The following LRMDA variants were observed in gnomAD, a reference collection of about 807,000 sequenced individuals.
The protein encoded by LRMDA is leucine rich melanocyte differentiation associated.
LRMDA carries 18 observed loss-of-function variants against 29.8 expected under a neutral mutation model. The observed-to-expected ratio is 0.60, with a 90% CI of 0.42 to 0.90. The LOEUF (loss-of-function observed/expected upper bound fraction) is 0.90, where lower values mean the gene tolerates loss of function less well. Ranked by LOEUF, LRMDA falls within the 40% of genes least tolerant of loss-of-function variation. The pLI is 0.00. For synonymous variants in LRMDA, 125 were observed against 109.4 expected (o/e 1.14, Z -0.89); for missense variants, 273 against 273.9 (o/e 1.00, Z 0.02).
intron 2 of LRMDA, among the ~76,000 whole-genome samples, chr10:75,558,155 A>G (rs1165677560): frequency 7.6e-6 from 1 of 132,404 alleles, no homozygotes; most frequent in African/African-American, 2.8e-5. Context: ...CAGTGGTATG[A>G]TTTTTTTTTT....
chr10:76,528,894 T>C (rs567907221), intron 6 of LRMDA, among the ~76,000 whole-genome samples: 3 of 152,234 alleles, frequency 2.0e-5, no homozygotes, highest in Non-Finnish European at 2.9e-5. Context: ...AAGTTCCAAG[T>C]AGCAGGAAGG....
At chr10:76,070,945 C>T (rs1589313730) in intron 5 of LRMDA, among the ~76,000 whole-genome samples, 1 of 152,214 alleles carries the variant, frequency 6.6e-6, no homozygotes, top group East Asian at 1.9e-4. Flanking sequence ...AGGCTCCTTG[C>T]CACTGATGGA....
At chr10:76,198,860 G>A (rs1285424635) in intron 5 of LRMDA, among the ~76,000 whole-genome samples, 1 of 152,172 alleles carries the variant, frequency 6.6e-6, no homozygotes, top group African/African-American at 2.4e-5. Context: ...CGAGGATGAT[G>A]TAGCTTAATA....
At chr10:76,518,472 T>A (rs948221602) in intron 6 of LRMDA, among the ~76,000 whole-genome samples, 6 of 152,146 alleles carry the variant, frequency 3.9e-5, no homozygotes, top group Non-Finnish European at 7.4e-5. Context: ...TAAGTTTGTA[T>A]GTACCTGTTA....
intron 2 of LRMDA, among the ~76,000 whole-genome samples, chr10:75,452,409 A>T (rs4746298): frequency 6.6e-6 from 1 of 151,874 alleles, no homozygotes. Context: ...ACTTGGGGTC[A>T]CATCATAGCC....
intron 2 of LRMDA, among the ~76,000 whole-genome samples, chr10:75,580,406 G>T (rs545157679): frequency 1.3e-5 from 2 of 152,130 alleles, no homozygotes; most frequent in African/African-American, 4.8e-5. Context: ...CACTGCTCAA[G>T]GAAATAAAAG....
chr10:76,391,908 G>T (rs1372319946), intron 6 of LRMDA, among the ~76,000 whole-genome samples: 2 of 152,058 alleles, frequency 1.3e-5, no homozygotes, highest in Non-Finnish European at 2.9e-5. Context: ...TCTGTCTATG[G>T]ATTTATGGAG....
intron 6 of LRMDA, among the ~76,000 whole-genome samples, chr10:76,547,968 A>T (rs1327772354): frequency 3.9e-5 from 6 of 152,222 alleles, no homozygotes; most frequent in Non-Finnish European, 8.8e-5. Context: ...AAGAAAAAGC[A>T]AGTAAGAATG....
intron 6 of LRMDA, among the ~76,000 whole-genome samples, chr10:76,355,774 A>G (rs1407096039): frequency 1.3e-5 from 2 of 152,186 alleles, no homozygotes; most frequent in Non-Finnish European, 2.9e-5. Context: ...TTGTGAAAGA[A>G]AGGGACGTTG....
intron 5 of LRMDA, among the ~76,000 whole-genome samples, chr10:76,232,628 CAGGAG>C (rs927446166): frequency 1.3e-5 from 2 of 152,224 alleles, no homozygotes; most frequent in African/African-American, 4.8e-5. Context: ...CTAGCTGCTG[CAGGAG>C]ATGGCCTCTA....
Position 75,438,398 on chromosome 10 carries a change from C to T in LRMDA, c.35C>T (p.Ser12Phe), listed in dbSNP as rs755863192. The T allele has an allele frequency of 1.7e-5, 26 of 1,550,682 alleles. No individual in the cohort carries two copies. Among genetic ancestry groups the T allele is most frequent in the Non-Finnish European group, 2.3e-5 (26 of 1,146,834 alleles). ...TCTGTTCCATTTAATTTCCAGGTGT[C>T]CTACATAGGCCAGGACTGCAGAGAA... ...AGLVVRGTQV[S>F]YIGQDCREIP... is the part of the protein sequence containing the mutation. The change falls in exon 2 of 7, where the codon TCC becomes TTC. Residue 12 changes from serine (S) to phenylalanine (F), a missense_variant. Ser to Phe is a radical substitution (Grantham distance 155, BLOSUM62 -2). Transcript: ENST00000611255.
intron 2 of LRMDA, among the ~76,000 whole-genome samples, chr10:75,675,588 G>A (rs571823456): frequency 4.1e-4 from 62 of 152,220 alleles, no homozygotes; most frequent in African/African-American, 1.4e-3. Flanking sequence ...TCTTTTTTGT[G>A]GATTTATGCC....
chr10:75,672,974 T>TA (rs200473081), intron 2 of LRMDA, among the ~76,000 whole-genome samples: 1 of 149,488 alleles, frequency 6.7e-6, no homozygotes, highest in African/African-American at 2.5e-5. Flanking sequence ...TTTTTTTTTT[T>TA]AAATCTCTAA....
At chr10:75,979,461 A>G (rs1847128748) in intron 2 of LRMDA, among the ~76,000 whole-genome samples, 1 of 152,200 alleles carries the variant, frequency 6.6e-6, no homozygotes, top group Non-Finnish European at 1.5e-5. Flanking sequence ...GCCAGGTACC[A>G]TGGGGTATGC....
chr10:75,597,558 A>C (rs1030250988), intron 2 of LRMDA, among the ~76,000 whole-genome samples: 1 of 152,182 alleles, frequency 6.6e-6, no homozygotes. Context: ...GAGAGAAAAA[A>C]GGTGTGGTAA....
chr10:76,270,818 G>T (rs972739620), intron 5 of LRMDA: 1 of 152,136 alleles, frequency 6.6e-6, no homozygotes, highest in Non-Finnish European at 1.5e-5. Flanking sequence ...AATCAATGCC[G>T]TGCACATCCT....
intron 6 of LRMDA, among the ~76,000 whole-genome samples, chr10:76,475,091 TA>T (rs566988153): frequency 1.3e-5 from 2 of 151,616 alleles, no homozygotes; most frequent in Non-Finnish European, 3.0e-5. Context: ...TTATGCTAAG[TA>T]AAAAAACCCA....
chr10:76,463,251 G>T (rs766106751), intron 6 of LRMDA, among the ~76,000 whole-genome samples: 1 of 152,180 alleles, frequency 6.6e-6, no homozygotes, highest in Non-Finnish European at 1.5e-5. Flanking sequence ...TGGGCCAGAT[G>T]CTTCCCCAGG....
At chr10:75,995,991 C>A (rs1847454714) in intron 2 of LRMDA, among the ~76,000 whole-genome samples, 2 of 152,142 alleles carry the variant, frequency 1.3e-5, no homozygotes, top group South Asian at 4.1e-4. Context: ...AATGAATGTG[C>A]TTTGCCTGGG....
Sources: gnomAD v4.1 joint callset for allele counts (sites outside exome capture counted in the v4.1 genomes callset) on GRCh38, gnomAD v4.1.1 for gene constraint, MANE v1.5 for transcripts, NCBI Gene and HGNC (gene_info 2026-07-23, HGNC 2026-07-21) for gene names.